Variants in CDH12 observed in about 807,000 individuals in gnomAD.
CDH12 encodes the protein cadherin-12.
Under a neutral mutation model 74.1 loss-of-function variants are expected in CDH12, and 41 were observed. The observed-to-expected ratio is 0.55, with a 90% confidence interval of 0.43 to 0.72. The LOEUF is 0.72. Ranked by LOEUF, CDH12 falls within the 30% of genes least tolerant of loss-of-function variation. The pLI is 0.00. For synonymous variants in CDH12, 399 were observed against 355.0 expected, an observed-to-expected ratio of 1.12 and a Z score of -1.39; for missense variants, 945 against 977.2, an observed-to-expected ratio of 0.97 and a Z score of 0.44.
At chr5:22,702,020 G>A (rs1241666111) in intron 1 of CDH12, among the ~76,000 whole-genome samples, 1 of 151,938 alleles carries the variant, frequency 6.6e-6, no homozygotes, top group Non-Finnish European at 1.5e-5. Context: ...CTAAACACAA[G>A]ACTTCCAGCT....
chr5:22,152,418 T>C (rs1290476863), intron 4 of CDH12: 1 of 152,174 alleles, frequency 6.6e-6, no homozygotes, highest in Non-Finnish European at 1.5e-5. Flanking sequence ...ATGATTTGCC[T>C]GAGGCTGTAT....
chr5:21,797,328 C>A (rs1017320818), intron 10 of CDH12, among the ~76,000 whole-genome samples: 1 of 152,082 alleles, frequency 6.6e-6, no homozygotes, highest in African/African-American at 2.4e-5. Flanking sequence ...GCATATCTAA[C>A]CATGTCGAGT....
Position 21,751,651 on chromosome 5 carries a change from T to TGTGTGTGTGTGTGTGTGTGTGTGA in CDH12, c.*85_*86insTCACACACACACACACACACACAC, listed in dbSNP as rs766005547. On this transcript the variant is annotated 3_prime_UTR_variant, in exon 15 of 15. Coordinates refer to ENST00000382254, the MANE Select transcript of CDH12 (RefSeq NM_004061.5). ...GTGTGTTTGTGTGTGTGTGTGTGTG[T>TGTGTGTGTGTGTGTGTGTGTGTGA]GAGAGAGATTTCTATTAATATTTGT... 2.1e-6 allele frequency: 2 copies of TGTGTGTGTGTGTGTGTGTGTGTGA among 959,260 alleles called. No individual in the cohort carries two copies. Among genetic ancestry groups the TGTGTGTGTGTGTGTGTGTGTGTGA allele is most frequent in the Non-Finnish European group, 3.2e-6 (2 of 633,706 alleles). 59.4% of individuals were successfully genotyped at this position (959,260 alleles called of 1,614,324 possible).
chr5:21,827,922 C>T (rs562763242), intron 8 of CDH12, among the ~76,000 whole-genome samples: 1 of 152,158 alleles, frequency 6.6e-6, no homozygotes, highest in Non-Finnish European at 1.5e-5. Context: ...TCTCTTAAAA[C>T]CTCCATTGAA....
intron 4 of CDH12, among the ~76,000 whole-genome samples, chr5:22,173,642 T>G (rs1195823890): frequency 6.6e-6 from 1 of 151,614 alleles, no homozygotes; most frequent in Non-Finnish European, 1.5e-5. Context: ...ATGATGTAAT[T>G]TTTACTACTT....
At chr5:22,243,127 T>A (rs1396044177) in intron 3 of CDH12, among the ~76,000 whole-genome samples, 2 of 152,280 alleles carry the variant, frequency 1.3e-5, no homozygotes, top group East Asian at 1.9e-4. Context: ...AGTATACTCA[T>A]AAGAGTATTT....
At chr5:22,247,053 A>G (rs1395460971) in intron 3 of CDH12, among the ~76,000 whole-genome samples, 1 of 152,178 alleles carries the variant, frequency 6.6e-6, no homozygotes, top group Admixed American at 6.5e-5. Flanking sequence ...GTGTTTTAAG[A>G]TATGTTTTGG....
intron 3 of CDH12, among the ~76,000 whole-genome samples, chr5:22,397,625 G>T (rs929720364): frequency 1.3e-5 from 2 of 152,058 alleles, no homozygotes; most frequent in African/African-American, 4.8e-5. Context: ...CCTGTTACCT[G>T]CATATGGCAA....
intron 6 of CDH12, among the ~76,000 whole-genome samples, chr5:21,894,598 T>C (rs913840955): frequency 1.3e-5 from 2 of 152,108 alleles, no homozygotes; most frequent in Non-Finnish European, 2.9e-5. Flanking sequence ...ACAATAAATA[T>C]GCAGTTTGAA....
intron 1 of CDH12, among the ~76,000 whole-genome samples, chr5:22,760,703 A>AC (rs1746175302): frequency 7.0e-6 from 1 of 143,172 alleles, no homozygotes; most frequent in Non-Finnish European, 1.5e-5. Context: ...AAAAAAAACA[A>AC]AAAAAAAAAG....
chr5:22,756,905 G>A (rs912122377), intron 1 of CDH12, among the ~76,000 whole-genome samples: 70 of 150,984 alleles, frequency 4.6e-4, no homozygotes, highest in Admixed American at 1.9e-3. Flanking sequence ...GTTGCAGAAA[G>A]CCAAGATCAC....
At chr5:22,086,939 C>G (rs1013581129) in intron 4 of CDH12, among the ~76,000 whole-genome samples, 3 of 151,990 alleles carry the variant, frequency 2.0e-5, no homozygotes, top group African/African-American at 7.2e-5. Flanking sequence ...GGTCTTTCAC[C>G]CAAAAATCCA....
At chr5:22,614,040 C>A (rs949198142) in intron 1 of CDH12, among the ~76,000 whole-genome samples, 8 of 151,992 alleles carry the variant, frequency 5.3e-5, no homozygotes, top group Non-Finnish European at 8.8e-5. Flanking sequence ...ACATATATCT[C>A]ATTTTTTAAA....
At position 22,146,099 on chromosome 5, in the gene CDH12, C is replaced by A. The variant is rs536189262; in HGVS notation, c.-187+66399G>T. On this transcript the variant is annotated intron_variant, in intron 4 of 14. Coordinates refer to ENST00000382254, the MANE Select transcript of CDH12 (RefSeq NM_004061.5). ...TTGTAATGACCTGTAAAATGAGCAA[C>A]ATTTTTAACTCCGAAATTCTAATCA... is the stretch of plus-strand genomic sequence containing the variant. Among the ~76,000 whole-genome samples, 3 of 152,100 alleles carry A rather than the reference C, an allele frequency of 2.0e-5. No individual in the cohort carries two copies. In the East Asian group the frequency reaches 5.8e-4, roughly 29 times the overall value.
intron 4 of CDH12, among the ~76,000 whole-genome samples, chr5:22,146,884 T>C (rs1014885894): frequency 2.0e-5 from 3 of 152,166 alleles, no homozygotes; most frequent in Admixed American, 6.6e-5. Flanking sequence ...AATGACTATG[T>C]ATTGTCTATT....
intron 1 of CDH12, among the ~76,000 whole-genome samples, chr5:22,740,409 A>G (rs1420435728): frequency 6.6e-6 from 1 of 151,708 alleles, no homozygotes; most frequent in African/African-American, 2.4e-5. Context: ...TTCTCCAGTT[A>G]TAGATTCATT....
intron 1 of CDH12, among the ~76,000 whole-genome samples, chr5:22,813,179 T>C (rs140961712): frequency 1.0e-3 from 153 of 152,284 alleles, no homozygotes; most frequent in African/African-American, 3.3e-3. Context: ...AGGATGTAAA[T>C]AAAACCTCTT....
At chr5:22,064,160 G>C (rs138543927) in intron 5 of CDH12, among the ~76,000 whole-genome samples, 1 of 152,238 alleles carries the variant, frequency 6.6e-6, no homozygotes, top group East Asian at 1.9e-4. Flanking sequence ...ATGTGGATCA[G>C]AAATATACTG....
intron 1 of CDH12, among the ~76,000 whole-genome samples, chr5:22,536,883 T>C (rs941019423): frequency 6.6e-6 from 1 of 152,232 alleles, no homozygotes. Flanking sequence ...GCTTTCTTTT[T>C]GTGGTTTTTC....
Sources: gnomAD v4.1 joint callset for allele counts (sites outside exome capture counted in the v4.1 genomes callset) on GRCh38, gnomAD v4.1.1 for gene constraint, MANE v1.5 for transcripts, NCBI Gene and HGNC (gene_info 2026-07-23, HGNC 2026-07-21) for gene names.